The following SUSD5 variants were observed in gnomAD, a reference collection of about 807,000 sequenced individuals.
SUSD5 encodes sushi domain containing 5.
Under a neutral mutation model 29.5 loss-of-function variants are expected in SUSD5, and 33 were observed. That is an observed-to-expected ratio of 1.12 (90% CI 0.85 to 1.49). The LOEUF (loss-of-function observed/expected upper bound fraction) is 1.49, where lower values mean the gene tolerates loss of function less well. SUSD5 is among the 40% of genes most tolerant of loss of function. The pLI is 0.00. For missense variants in SUSD5, 776 were observed against 800.6 expected, an observed-to-expected ratio of 0.97 and a Z score of 0.37; for synonymous variants, 308 against 325.3, an observed-to-expected ratio of 0.95 and a Z score of 0.57.
intron 4 of SUSD5, among the ~76,000 whole-genome samples, chr3:33,161,993 G>A (rs566608839): frequency 6.6e-6 from 1 of 152,052 alleles, no homozygotes; most frequent in East Asian, 1.9e-4. Context: ...TTTGAAATGT[G>A]TAGATGACAT....
intron 3 of SUSD5, among the ~76,000 whole-genome samples, chr3:33,182,775 C>A (rs984416468): frequency 2.0e-4 from 30 of 152,032 alleles, no homozygotes; most frequent in African/African-American, 7.2e-4. Flanking sequence ...CATGGTATAT[C>A]TTTCTCCATC....
intron 3 of SUSD5, among the ~76,000 whole-genome samples, chr3:33,190,001 G>C (rs1357937333): frequency 6.6e-6 from 1 of 152,116 alleles, no homozygotes; most frequent in African/African-American, 2.4e-5. Context: ...TTTAAAAGGG[G>C]AATAGTGACA....
chr3:33,208,130 G>A (rs2032257731), intron 2 of SUSD5, among the ~76,000 whole-genome samples: 1 of 152,120 alleles, frequency 6.6e-6, no homozygotes, highest in Non-Finnish European at 1.5e-5. Flanking sequence ...GATGTTATAG[G>A]TATCAATTCG....
intron 4 of SUSD5, among the ~76,000 whole-genome samples, chr3:33,157,728 C>T (rs1045158918): frequency 2.0e-5 from 3 of 152,186 alleles, no homozygotes; most frequent in African/African-American, 4.8e-5. Flanking sequence ...CTCTCTGCCT[C>T]GGAGCCCTGC....
intron 2 of SUSD5, among the ~76,000 whole-genome samples, chr3:33,209,924 C>T (rs2032292110): frequency 6.6e-6 from 1 of 152,182 alleles, no homozygotes; most frequent in Non-Finnish European, 1.5e-5. Flanking sequence ...AGTTTCCACA[C>T]TCTGCCAAAA....
At chr3:33,176,972 T>C (rs1372331037) in intron 3 of SUSD5, among the ~76,000 whole-genome samples, 1 of 152,252 alleles carries the variant, frequency 6.6e-6, no homozygotes, top group Non-Finnish European at 1.5e-5. Flanking sequence ...TTCACCAATA[T>C]CACACTATCT....
chr3:33,156,480 G>A (rs2031055389), intron 4 of SUSD5, among the ~76,000 whole-genome samples: 1 of 152,132 alleles, frequency 6.6e-6, no homozygotes, highest in South Asian at 2.1e-4. Context: ...AGGACAGCCC[G>A]ATGAGAGGGG....
At chr3:33,212,958 A>C (rs1307259525) in intron 2 of SUSD5, among the ~76,000 whole-genome samples, 1 of 152,210 alleles carries the variant, frequency 6.6e-6, no homozygotes, top group Non-Finnish European at 1.5e-5. Context: ...CATGCAGATG[A>C]GTATCCACAG....
chr3:33,205,400 T>C (rs776930360), intron 3 of SUSD5, among the ~76,000 whole-genome samples: 1 of 152,242 alleles, frequency 6.6e-6, no homozygotes, highest in Non-Finnish European at 1.5e-5. Context: ...TGAGTTTGGT[T>C]AATTTTTCCT....
chr3:33,197,064 T>G (rs549320126), intron 3 of SUSD5, among the ~76,000 whole-genome samples: 52 of 152,336 alleles, frequency 3.4e-4, no homozygotes, highest in Admixed American at 2.9e-3. Context: ...CTATTACTAT[T>G]TTCCTTCTGA....
Position 33,218,802 on chromosome 3 carries a change from C to T in SUSD5, c.-5G>A. 2 of 1,441,780 alleles carry T rather than the reference C, an allele frequency of 1.4e-6. No individual in the cohort carries two copies. Among genetic ancestry groups the T allele is most frequent in the South Asian group, 1.4e-5 (1 of 71,154 alleles). The allele number at this position is 1,441,780 out of a possible 1,614,324, so 89.3% of individuals were successfully genotyped here. ...GCTGGGTCCCTCGGCAGTCATGGTC[C>T]GGGAGTGCGCGGGCCAGCGGACTCG... On this transcript the variant is annotated 5_prime_UTR_variant, in exon 1 of 5. Transcript: ENST00000309558.
intron 4 of SUSD5, among the ~76,000 whole-genome samples, chr3:33,155,844 G>A (rs558646590): frequency 4.6e-5 from 7 of 152,216 alleles, no homozygotes; most frequent in South Asian, 2.1e-4. Context: ...TATGGATGTC[G>A]GAACTCAGGA....
At chr3:33,175,200 CTGT>C in intron 3 of SUSD5, 126 bp from the exon 4 acceptor site, 1 of 1,047,940 alleles carries the variant, frequency 9.5e-7, no homozygotes, top group East Asian at 2.6e-5. Flanking sequence ...ATCACAGGGG[CTGT>C]TTCTTGGTCA....
intron 3 of SUSD5, among the ~76,000 whole-genome samples, chr3:33,189,203 G>T (rs2031840725): frequency 6.6e-6 from 1 of 152,078 alleles, no homozygotes; most frequent in Non-Finnish European, 1.5e-5. Flanking sequence ...TAGCCGGCTG[G>T]GCGTGGTGGC....
chr3:33,155,232 C>G (rs1365034645), intron 4 of SUSD5, among the ~76,000 whole-genome samples: 2 of 152,166 alleles, frequency 1.3e-5, no homozygotes, highest in African/African-American at 4.8e-5. Flanking sequence ...CAAATCTATA[C>G]TAAGTAGACA....
chr3:33,166,012 C>CGA (rs2031296683), intron 4 of SUSD5, among the ~76,000 whole-genome samples: 1 of 119,174 alleles, frequency 8.4e-6, no homozygotes, highest in Non-Finnish European at 1.7e-5. Context: ...CCCCCCTCTC[C>CGA]AAAAAAAAAA....
chr3:33,157,875 G>A (rs535086302), intron 4 of SUSD5, among the ~76,000 whole-genome samples: 176 of 152,336 alleles, frequency 1.2e-3, no homozygotes, highest in African/African-American at 4.1e-3. Flanking sequence ...AGCCCAAACT[G>A]CTGACTCAAA....
chr3:33,197,544 A>G (rs1044251571), intron 3 of SUSD5, among the ~76,000 whole-genome samples: 1 of 151,998 alleles, frequency 6.6e-6, no homozygotes, highest in Non-Finnish European at 1.5e-5. Flanking sequence ...CCAATTGTAT[A>G]ACCACCACCA....
chr3:33,217,880 G>GCT (rs2032452655), intron 1 of SUSD5, among the ~76,000 whole-genome samples: 1 of 152,308 alleles, frequency 6.6e-6, no homozygotes, highest in East Asian at 1.9e-4. Flanking sequence ...TCCTTCAGAT[G>GCT]CTCCTGTACC....
Sources: gnomAD v4.1 joint callset for allele counts (sites outside exome capture counted in the v4.1 genomes callset) on GRCh38, gnomAD v4.1.1 for gene constraint, MANE v1.5 for transcripts, NCBI Gene and HGNC (gene_info 2026-07-23, HGNC 2026-07-21) for gene names.